Variants in MYO10 observed in about 807,000 individuals in gnomAD.
MYO10 encodes the protein unconventional myosin-X.
Under a neutral mutation model 257.3 loss-of-function variants are expected in MYO10, and 133 were observed. The ratio of observed to expected loss-of-function variants is 0.52; its 90% confidence interval spans 0.45 to 0.60. The LOEUF (loss-of-function observed/expected upper bound fraction) is 0.60. Among genes scored for constraint, MYO10 ranks in the 20% least tolerant of loss-of-function variants. MYO10 has a pLI of 0.00. For synonymous variants in MYO10, 1,104 were observed against 1,028.6 expected (o/e 1.07, Z -1.40); for missense variants, 2,399 against 2,635.7 (o/e 0.91, Z 1.97).
chr5:16,801,774 ATTCT>A (rs151052905), intron 3 of MYO10, among the ~76,000 whole-genome samples: 8,964 of 152,194 alleles, frequency 0.059, 878 homozygotes, highest in African/African-American at 0.21. Context: ...GCACTTTCTT[ATTCT>A]TTTTTGCATA....
chr5:16,740,482 G>C (rs527304892), intron 19 of MYO10, among the ~76,000 whole-genome samples: 2 of 152,112 alleles, frequency 1.3e-5, no homozygotes, highest in East Asian at 3.8e-4. Context: ...GATTCAGTAA[G>C]TTCATCAGGA....
At chr5:16,691,975 TGAAA>T (rs1737530406) in intron 27 of MYO10, among the ~76,000 whole-genome samples, 3 of 152,040 alleles carry the variant, frequency 2.0e-5, no homozygotes, top group African/African-American at 7.2e-5. Context: ...AAACAGCAAG[TGAAA>T]GAAAGGCAGA....
intron 1 of MYO10, among the ~76,000 whole-genome samples, chr5:16,917,565 T>G (rs1745857069): frequency 1.3e-5 from 2 of 151,798 alleles, no homozygotes; most frequent in African/African-American, 4.8e-5. Context: ...TGCAAACCAG[T>G]AACTCTAGCA....
In MYO10 at chr5:16,820,582, C is replaced by T. The variant is rs566659282; in HGVS notation, c.121-2415G>A. On this transcript the variant is annotated intron_variant, in intron 2 of 40. Coordinates refer to ENST00000513610, the MANE Select transcript of MYO10 (RefSeq NM_012334.3). ...CAAGAAGACAGGGCACTGAAGCCAG[C>T]ACAACTATCTCCCTCTCCAGCCCCT... Among the ~76,000 whole-genome samples, 4 of 152,276 alleles carry T rather than the reference C, an allele frequency of 2.6e-5. No homozygotes were observed. In the South Asian group the frequency reaches 8.3e-4, roughly 32 times the overall value.
At chr5:16,805,458 C>CAAAAAAAAAAAAAAAAAAAAAAAAAAAA in intron 3 of MYO10, among the ~76,000 whole-genome samples, 1 of 78,346 alleles carries the variant, frequency 1.3e-5, no homozygotes, top group Non-Finnish European at 2.4e-5. Flanking sequence ...GACTCCATCT[C>CAAAAAAAAAAAAAAAAAAAAAAAAAAAA]AAAAAAAAAA....
At chr5:16,890,936 C>T (rs1369632442) in intron 1 of MYO10, among the ~76,000 whole-genome samples, 2 of 151,820 alleles carry the variant, frequency 1.3e-5, no homozygotes, top group African/African-American at 4.9e-5. Flanking sequence ...AAGGCAGTCA[C>T]AAAGGACCAC....
intron 2 of MYO10, among the ~76,000 whole-genome samples, chr5:16,846,905 G>T (rs1185125835): frequency 6.7e-6 from 1 of 150,340 alleles, no homozygotes; most frequent in Non-Finnish European, 1.5e-5. Context: ...ATTACCTGAG[G>T]TCAGGAGTTT....
chr5:16,854,720 TAAAACAAAACAAAAC>T (rs550093716), intron 2 of MYO10, among the ~76,000 whole-genome samples: 1 of 152,042 alleles, frequency 6.6e-6, no homozygotes, highest in Non-Finnish European at 1.5e-5. Context: ...ACTGTTCAAT[TAAAACAAAACAAAAC>T]AAAACAAAAC....
intron 2 of MYO10, among the ~76,000 whole-genome samples, chr5:16,829,164 G>A (rs1336856207): frequency 6.6e-6 from 1 of 152,174 alleles, no homozygotes; most frequent in Non-Finnish European, 1.5e-5. Context: ...ACAGATGCAA[G>A]GGTGATGTGG....
rs779996321 is a variant in MYO10, at chr5:16,703,122, T to C, written c.2313A>G (p.Ile771Met). Reference sequence around the variant, plus strand: ...GGAATGCTCTGTAATTCTTCTGTATTATCACCACACAATAAAGGACCTTTC... The same window carrying C: ...GGAATGCTCTGTAATTCTTCTGTATCATCACCACACAATAAAGGACCTTTC... ...QYRKVLYCVVIIQKNYRAFLL... is the reference protein window; with the variant it reads ...QYRKVLYCVVMIQKNYRAFLL... The change falls in exon 23 of 41, where the codon ATA becomes ATG. Residue 771 changes from isoleucine (I) to methionine (M), a missense_variant. Ile to Met is a conservative substitution (Grantham distance 10). Around this residue, in one of 3 missense-constraint regions of MYO10, gnomAD observed 1,820 missense variants for 1,939.4 expected, o/e 0.94. Coordinates refer to ENST00000513610, the MANE Select transcript of MYO10 (RefSeq NM_012334.3). 2 of 1,596,626 alleles carry C rather than the reference T, an allele frequency of 1.3e-6. No individual in the cohort carries two copies. Among genetic ancestry groups the C allele is most frequent in the Admixed American group, 3.5e-5 (2 of 57,454 alleles).
At position 16,899,636 on chromosome 5, in the gene MYO10, A is replaced by AC. The variant is rs1554007330; in HGVS notation, c.22-21930_22-21929insG. ...AGAGCAAAACTCAGTTTCAAAAAAA[A>AC]AAAAAACAAAAAACAATGTGATAAA... On this transcript the variant is annotated intron_variant, in intron 1 of 40. Transcript: ENST00000513610. Among the ~76,000 whole-genome samples, 26 of 151,672 alleles carry AC rather than the reference A, an allele frequency of 1.7e-4. No individual in the cohort carries two copies. In the East Asian group the frequency reaches 1.9e-3, roughly 11 times the overall value.
At chr5:16,707,129 G>C (rs1373629881) in intron 21 of MYO10, among the ~76,000 whole-genome samples, 1 of 152,168 alleles carries the variant, frequency 6.6e-6, no homozygotes. Context: ...CTTGCCTGTT[G>C]CCATGTAGGA....
intron 1 of MYO10, among the ~76,000 whole-genome samples, chr5:16,881,356 GTCTCT>G (rs1348638023): frequency 3.9e-5 from 6 of 152,118 alleles, no homozygotes; most frequent in African/African-American, 1.4e-4. Context: ...CTCACTGTGG[GTCTCT>G]TTACCCTTTC....
At chr5:16,853,348 T>G (rs1041295267) in intron 2 of MYO10, among the ~76,000 whole-genome samples, 2 of 150,550 alleles carry the variant, frequency 1.3e-5, no homozygotes, top group South Asian at 4.2e-4. Context: ...CACTCCAGCC[T>G]GGGCGACAGA....
chr5:16,676,078 A>G lies in MYO10; in HGVS notation c.4619T>C (p.Leu1540Ser). The change falls in exon 34 of 41, where the codon TTG becomes TCG. Residue 1540 changes from leucine to serine, a missense_variant. By Grantham distance (145) the Leu-to-Ser change is moderately radical. This residue lies in a region of MYO10 where 1,820 missense variants were observed against 1,939.4 expected (regional missense o/e 0.94). Transcript: ENST00000513610. ...NPILRYTHHP[L>S]HSPLLPLPYG... ...CGGAAGGGGCAGGAGCGGGGAGTGC[A>G]AGGGGTGATGGGTGTATCGAAGGAT... The G allele has an allele frequency of 1.2e-6, 2 of 1,613,338 alleles. No individual in the cohort carries two copies. Among genetic ancestry groups the G allele is most frequent in the Non-Finnish European group, 1.7e-6 (2 of 1,179,648 alleles).
chr5:16,853,375 A>G (rs1197084262), intron 2 of MYO10, among the ~76,000 whole-genome samples: 2 of 149,618 alleles, frequency 1.3e-5, no homozygotes, highest in East Asian at 3.9e-4. Flanking sequence ...CTCCGTCTCA[A>G]AAAAAAAAAA....
intron 33 of MYO10, among the ~76,000 whole-genome samples, chr5:16,679,578 G>A (rs10060275): frequency 0.34 from 50,456 of 147,164 alleles, 8,755 homozygotes; most frequent in South Asian, 0.42. Flanking sequence ...AGGCTGGGGT[G>A]CAGTGGAATG....
chr5:16,833,456 C>T (rs1400020810), intron 2 of MYO10, among the ~76,000 whole-genome samples: 1 of 152,082 alleles, frequency 6.6e-6, no homozygotes. Flanking sequence ...TCGTGATTTG[C>T]CCACCTCAGC....
At chr5:16,902,559 C>T (rs893349103) in intron 1 of MYO10, 51 of 1,576,056 alleles carry the variant, frequency 3.2e-5, no homozygotes, top group Non-Finnish European at 4.1e-5. Context: ...GGGCACGCAT[C>T]GGGCACAGTT....
Sources: gnomAD v4.1 joint callset for allele counts (sites outside exome capture counted in the v4.1 genomes callset) on GRCh38, gnomAD v4.1.1 for gene constraint, gnomAD v4.1.1 regional missense constraint, MANE v1.5 for transcripts, NCBI Gene and HGNC (gene_info 2026-07-23, HGNC 2026-07-21) for gene names.